The following HSDL2 variants were observed in gnomAD, a reference collection of about 807,000 sequenced individuals.
The protein encoded by HSDL2 is hydroxysteroid dehydrogenase-like protein 2.
In HSDL2, 27 loss-of-function variants were observed where a neutral mutation model predicts 46.3. The observed-to-expected ratio is 0.58, with a 90% confidence interval of 0.43 to 0.80. HSDL2 has a LOEUF of 0.80. Among genes scored for constraint, HSDL2 ranks in the 30% least tolerant of loss-of-function variants. HSDL2 has a pLI of 0.00. For synonymous variants in HSDL2, 153 were observed against 163.6 expected, an observed-to-expected ratio of 0.94 and a Z score of 0.50; for missense variants, 451 against 502.7, an observed-to-expected ratio of 0.90 and a Z score of 0.98.
chr9:112,381,214 G>A (rs1831086621), intron 1 of HSDL2, among the ~76,000 whole-genome samples: 1 of 151,628 alleles, frequency 6.6e-6, no homozygotes, highest in Admixed American at 6.6e-5. Flanking sequence ...TTTTAAAGAC[G>A]GGGTCTCCCA....
intron 1 of HSDL2, among the ~76,000 whole-genome samples, chr9:112,387,395 T>A (rs1455292832): frequency 6.6e-6 from 1 of 151,956 alleles, no homozygotes; most frequent in Non-Finnish European, 1.5e-5. Context: ...ATTTTTGTAT[T>A]TTTTAGTAGA....
chr9:112,385,047 C>T (rs542132231), intron 1 of HSDL2, among the ~76,000 whole-genome samples: 68 of 152,196 alleles, frequency 4.5e-4, no homozygotes, highest in Admixed American at 3.1e-3. Context: ...TAGGTCACCA[C>T]GACCTGTCTA....
At position 112,457,712 on chromosome 9, in the gene HSDL2, C is replaced by T. The variant is rs186701624; in HGVS notation, c.1016-1737C>T. Reference sequence around the variant, plus strand: ...TCTCTCACTTAAAAAACAAATCCACCCAAGCCAAGAACTAGCAGATCATTC... The same window carrying T: ...TCTCTCACTTAAAAAACAAATCCACTCAAGCCAAGAACTAGCAGATCATTC... On this transcript the variant is annotated intron_variant, in intron 9 of 10. Transcript: ENST00000398805. Among the ~76,000 whole-genome samples, 484 of 152,278 alleles carry T rather than the reference C, an allele frequency of 3.2e-3. 2 individuals are homozygous for T. The highest frequency in any genetic ancestry group is 4.8e-3 in the Non-Finnish European group (329 of 68,020).
intron 1 of HSDL2, among the ~76,000 whole-genome samples, chr9:112,392,536 TC>T (rs1024096779): frequency 4.6e-5 from 7 of 152,122 alleles, no homozygotes; most frequent in African/African-American, 1.7e-4. Flanking sequence ...GCATCCCTTT[TC>T]CAGGGTATTA....
chr9:112,429,399 A>G (rs78384004), intron 6 of HSDL2, among the ~76,000 whole-genome samples: 2,199 of 152,284 alleles, frequency 0.014, 57 homozygotes, highest in African/African-American at 0.05. Flanking sequence ...GAGATTTAAG[A>G]GTTTGTTACC....
intron 8 of HSDL2, among the ~76,000 whole-genome samples, chr9:112,448,721 T>A (rs58107740): frequency 1.1e-5 from 1 of 90,542 alleles, no homozygotes; most frequent in Non-Finnish European, 2.3e-5. Context: ...ATTTTTTTTT[T>A]TATTTTTTTA....
At chr9:112,469,449 T>C (rs1481136321) in intron 10 of HSDL2, among the ~76,000 whole-genome samples, 1 of 151,630 alleles carries the variant, frequency 6.6e-6, no homozygotes, top group East Asian at 1.9e-4. Flanking sequence ...CTCAGCACTC[T>C]GGGAGGCAGG....
intron 2 of HSDL2, among the ~76,000 whole-genome samples, 193 bp from the exon 3 acceptor site, chr9:112,405,431 C>T (rs1265298215): frequency 2.0e-5 from 3 of 152,136 alleles, no homozygotes; most frequent in Non-Finnish European, 2.9e-5. Context: ...ACCAAACCTT[C>T]GTTTTTGTTT....
chr9:112,462,154 G>C (rs1033797223), intron 10 of HSDL2, among the ~76,000 whole-genome samples: 4 of 152,066 alleles, frequency 2.6e-5, no homozygotes, highest in African/African-American at 9.7e-5. Context: ...AATTTATGTA[G>C]TGGATACATT....
chr9:112,398,845 C>A (rs1233165700), intron 1 of HSDL2, among the ~76,000 whole-genome samples: 4 of 151,990 alleles, frequency 2.6e-5, no homozygotes, highest in African/African-American at 9.7e-5. Flanking sequence ...AATAGGATGT[C>A]CATATTTTCC....
intron 3 of HSDL2, 47 bp downstream of exon 3, chr9:112,405,769 G>T (rs762041260): frequency 8.7e-7 from 1 of 1,145,372 alleles, no homozygotes; most frequent in Non-Finnish European, 1.3e-6. Flanking sequence ...GTAAAATAAA[G>T]GTATAACTAT....
intron 6 of HSDL2, among the ~76,000 whole-genome samples, chr9:112,419,758 G>A (rs1479036889): frequency 6.6e-6 from 1 of 152,152 alleles, no homozygotes; most frequent in Non-Finnish European, 1.5e-5. Flanking sequence ...CTGGAACCCT[G>A]TGAGATGACA....
intron 10 of HSDL2, among the ~76,000 whole-genome samples, chr9:112,467,267 AC>A (rs1276177827): frequency 6.6e-6 from 1 of 152,244 alleles, no homozygotes; most frequent in Non-Finnish European, 1.5e-5. Context: ...AATACATGCT[AC>A]ACCATGGGAC....
At position 112,450,419 on chromosome 9, in the gene HSDL2, C is replaced by T. The variant is rs558202390; in HGVS notation, c.866-3594C>T. ...CTGAGGCGAGCAGATCACCTGAGGT[C>T]GGGAGTTCAAGACCAGCCTGGCCAG... On this transcript the variant is annotated intron_variant, in intron 8 of 10. Transcript: ENST00000398805. Among the ~76,000 whole-genome samples the T allele has an allele frequency of 1.1e-4, 16 of 152,040 alleles. No individual in the cohort carries two copies. In the South Asian group the frequency reaches 2.9e-3, roughly 28 times the overall value.
intron 10 of HSDL2, among the ~76,000 whole-genome samples, chr9:112,465,648 T>C (rs762608943): frequency 3.9e-5 from 6 of 152,250 alleles, no homozygotes; most frequent in Non-Finnish European, 5.9e-5. Context: ...AATGGAATCA[T>C]GCAATATGTG....
chr9:112,462,111 C>A (rs372559135), intron 10 of HSDL2, among the ~76,000 whole-genome samples: 2 of 152,154 alleles, frequency 1.3e-5, no homozygotes, highest in Admixed American at 1.3e-4. Flanking sequence ...CCTAAGAATT[C>A]TCTTTGATGA....
At chr9:112,431,797 G>A (rs1160607945) in intron 6 of HSDL2, among the ~76,000 whole-genome samples, 1 of 151,748 alleles carries the variant, frequency 6.6e-6, no homozygotes, top group Admixed American at 6.6e-5. Flanking sequence ...TGATGTTGGA[G>A]CCATGCTTGT....
At chr9:112,388,910 C>T (rs181315213) in intron 1 of HSDL2, among the ~76,000 whole-genome samples, 21 of 152,138 alleles carry the variant, frequency 1.4e-4, no homozygotes, top group African/African-American at 4.6e-4. Context: ...TACCCTAAAC[C>T]GGGTCCTGTA....
chr9:112,392,058 C>G (rs2132601573), intron 1 of HSDL2, among the ~76,000 whole-genome samples: 1 of 152,280 alleles, frequency 6.6e-6, no homozygotes, highest in South Asian at 2.1e-4. Flanking sequence ...AATTTTACAG[C>G]TGGGCCTCCA....
Sources: gnomAD v4.1 joint callset for allele counts (sites outside exome capture counted in the v4.1 genomes callset) on GRCh38, gnomAD v4.1.1 for gene constraint, MANE v1.5 for transcripts, NCBI Gene and HGNC (gene_info 2026-07-23, HGNC 2026-07-21) for gene names.